CDH11: variants seen among roughly 807,000 people sequenced by gnomAD.
CDH11 encodes the protein cadherin-11.
In CDH11, 11 loss-of-function variants were observed where a neutral mutation model predicts 67.8. The ratio of observed to expected loss-of-function variants is 0.16; its 90% CI spans 0.10 to 0.27. The LOEUF (loss-of-function observed/expected upper bound fraction) is 0.27, where lower values mean the gene tolerates loss of function less well. Among genes scored for constraint, CDH11 ranks in the 10% least tolerant of loss-of-function variants. The pLI is 1.00. For synonymous variants in CDH11, 419 were observed against 400.0 expected, an observed-to-expected ratio of 1.05 and a Z score of -0.57; for missense variants, 847 against 1,031.2, an observed-to-expected ratio of 0.82 and a Z score of 2.45.
chr16:65,074,864 T>C (rs1345429631), intron 1 of CDH11, among the ~76,000 whole-genome samples: 1 of 152,188 alleles, frequency 6.6e-6, no homozygotes, highest in African/African-American at 2.4e-5. Context: ...GTAAAAGAAA[T>C]ATTAAATCAT....
chr16:65,021,569 C>CATATAT (rs58195440), intron 2 of CDH11, among the ~76,000 whole-genome samples: 207 of 138,998 alleles, frequency 1.5e-3, no homozygotes, highest in African/African-American at 4.1e-3. Flanking sequence ...CACACACACA[C>CATATAT]ATATATATAT....
intron 1 of CDH11, among the ~76,000 whole-genome samples, chr16:65,095,774 A>G (rs1276082749): frequency 6.6e-6 from 1 of 152,098 alleles, no homozygotes; most frequent in African/African-American, 2.4e-5. Flanking sequence ...GTCTTAAAAT[A>G]TCTCCCTCAA....
At chr16:65,086,022 G>A (rs1238234080) in intron 1 of CDH11, among the ~76,000 whole-genome samples, 1 of 152,236 alleles carries the variant, frequency 6.6e-6, no homozygotes, top group African/African-American at 2.4e-5. Flanking sequence ...GATGGGTCTT[G>A]TGGTGCTATT....
chr16:64,971,843 TG>T, intron 10 of CDH11, 87 bp downstream of exon 10: 2 of 1,477,638 alleles, frequency 1.4e-6, no homozygotes, highest in Non-Finnish European at 1.9e-6. Flanking sequence ...TTTTGGGCAG[TG>T]GTTGGTATCT....
intron 1 of CDH11, chr16:65,059,480 C>T (rs567120963): frequency 2.0e-5 from 3 of 152,258 alleles, no homozygotes; most frequent in South Asian, 4.2e-4. Context: ...GATGGACGGG[C>T]GTAGAGAGAG....
intron 1 of CDH11, among the ~76,000 whole-genome samples, chr16:65,078,185 A>T (rs1356281841): frequency 1.3e-5 from 2 of 152,258 alleles, no homozygotes; most frequent in Non-Finnish European, 2.9e-5. Flanking sequence ...TGACACTGAA[A>T]GTGAAATTTC....
At chr16:64,960,017 A>G (rs886636614) in intron 11 of CDH11, among the ~76,000 whole-genome samples, 1 of 152,116 alleles carries the variant, frequency 6.6e-6, no homozygotes, top group African/African-American at 2.4e-5. Context: ...AAGCAGTGCA[A>G]ACTCAACTCT....
chr16:65,019,875 C>G (rs146085594), intron 2 of CDH11, among the ~76,000 whole-genome samples: 1 of 151,872 alleles, frequency 6.6e-6, no homozygotes, highest in South Asian at 2.1e-4. Context: ...TAAAACAATT[C>G]TTTAACCCTC....
chr16:65,068,272 G>C (rs932421898), intron 1 of CDH11, among the ~76,000 whole-genome samples: 1 of 152,076 alleles, frequency 6.6e-6, no homozygotes, highest in Admixed American at 6.5e-5. Context: ...TCAGGTGAGT[G>C]AGGGGCCTGA....
intron 11 of CDH11, among the ~76,000 whole-genome samples, chr16:64,956,396 AG>A (rs1469947311): frequency 6.6e-6 from 1 of 152,236 alleles, no homozygotes; most frequent in Non-Finnish European, 1.5e-5. Flanking sequence ...TTGGCAAAGG[AG>A]GAAAGTGAAT....
At chr16:65,044,350 G>A (rs949590194) in intron 2 of CDH11, among the ~76,000 whole-genome samples, 2 of 152,178 alleles carry the variant, frequency 1.3e-5, no homozygotes, top group Admixed American at 6.5e-5. Flanking sequence ...AACACATTTA[G>A]AGGATGCACA....
At chr16:65,051,310 T>C (rs574836260) in intron 2 of CDH11, among the ~76,000 whole-genome samples, 1 of 152,050 alleles carries the variant, frequency 6.6e-6, no homozygotes, top group East Asian at 1.9e-4. Flanking sequence ...TTATCAGAAA[T>C]GTATAGTTCC....
chr16:65,030,290 C>T (rs2073617684), intron 2 of CDH11, among the ~76,000 whole-genome samples: 1 of 152,174 alleles, frequency 6.6e-6, no homozygotes, highest in African/African-American at 2.4e-5. Flanking sequence ...GTTTGGCGGA[C>T]ATACTTATAT....
At chr16:65,105,944 T>C (rs767249145) in intron 1 of CDH11, among the ~76,000 whole-genome samples, 12 of 152,234 alleles carry the variant, frequency 7.9e-5, no homozygotes, top group Non-Finnish European at 1.8e-4. Flanking sequence ...ATGCTTTTCT[T>C]ACATGCTTTG....
intron 1 of CDH11, among the ~76,000 whole-genome samples, chr16:65,077,341 C>A (rs1318392921): frequency 6.6e-6 from 1 of 152,186 alleles, no homozygotes; most frequent in East Asian, 1.9e-4. Flanking sequence ...CTGAGCCTGG[C>A]ATGAGGTAGA....
At chr16:65,100,124 G>A (rs2074965220) in intron 1 of CDH11, among the ~76,000 whole-genome samples, 1 of 152,156 alleles carries the variant, frequency 6.6e-6, no homozygotes, top group African/African-American at 2.4e-5. Flanking sequence ...ATCCTCCAAA[G>A]TTAATGTGTG....
At chr16:65,064,036 G>C (rs59768960) in intron 1 of CDH11, among the ~76,000 whole-genome samples, 1 of 152,186 alleles carries the variant, frequency 6.6e-6, no homozygotes, top group Non-Finnish European at 1.5e-5. Context: ...TCTTCAAGAG[G>C]ACACTGCATG....
At position 65,004,472 on chromosome 16, in the gene CDH11, A is replaced by T. The variant is rs575892124; in HGVS notation, c.228+170T>A. On this transcript the variant is annotated intron_variant, in intron 3 of 12. Transcript: ENST00000268603. Reference sequence around the variant, plus strand: ...CATGGATAAGTCTATTATTTTTTTTAAAAGTCTGGAATAACATATTATGTA... The same window carrying T: ...CATGGATAAGTCTATTATTTTTTTTTAAAGTCTGGAATAACATATTATGTA... 3.9e-5 allele frequency among the ~76,000 whole-genome samples: 6 copies of T among 152,268 alleles called. No homozygotes were observed. The South Asian group carries it at 6.2e-4, about 16-fold the overall frequency.
chr16:65,022,795 C>T (rs908843002), intron 2 of CDH11, among the ~76,000 whole-genome samples: 28 of 152,094 alleles, frequency 1.8e-4, no homozygotes, highest in African/African-American at 6.0e-4. Context: ...CAAGTACTGG[C>T]CAGTGAGGGT....
Sources: gnomAD v4.1 joint callset for allele counts (sites outside exome capture counted in the v4.1 genomes callset) on GRCh38, gnomAD v4.1.1 for gene constraint, MANE v1.5 for transcripts, NCBI Gene and HGNC (gene_info 2026-07-23, HGNC 2026-07-21) for gene names.